LGALS3BP: variants seen among roughly 807,000 people sequenced by gnomAD.
LGALS3BP encodes the protein galectin 3 binding protein.
In LGALS3BP, 25 loss-of-function variants were observed where a neutral mutation model predicts 22.9. The ratio of observed to expected loss-of-function variants is 1.09; its 90% CI spans 0.80 to 1.53. LGALS3BP has a LOEUF of 1.53. LGALS3BP is among the 40% of genes most tolerant of loss of function. The pLI is 0.00. For missense variants in LGALS3BP, 718 were observed against 752.0 expected (o/e 0.95, Z 0.53); for synonymous variants, 335 against 331.1 (o/e 1.01, Z -0.13).
intron 3 of LGALS3BP, 31 bp downstream of exon 3, chr17:78,975,934 A>G (rs773070614): frequency 1.8e-5 from 28 of 1,551,094 alleles, no homozygotes; most frequent in Non-Finnish European, 9.6e-6. Context: ...TGTGGGTCTC[A>G]GCCTCAGTGG....
Position 78,977,220 on chromosome 17 carries a change from G to C in LGALS3BP, c.-23-6C>G. On this transcript the variant is annotated splice_polypyrimidine_tract_variant and splice_region_variant and intron_variant, in intron 1 of 5. Coordinates refer to ENST00000262776, the MANE Select transcript of LGALS3BP (RefSeq NM_005567.4). Reference sequence around the variant, plus strand: ...CGTGCCTGGATGCCCAGATCCTGCAGCAGACAGAAGCGGAGGGGTGAGGCA... The same window carrying C: ...CGTGCCTGGATGCCCAGATCCTGCACCAGACAGAAGCGGAGGGGTGAGGCA... The C allele has an allele frequency of 6.2e-7, 1 of 1,609,918 alleles. No individual in the cohort carries two copies. The highest frequency in any genetic ancestry group is 8.5e-7 in the Non-Finnish European group (1 of 1,179,080).
Position 78,971,453 on chromosome 17 carries a change from T to C in LGALS3BP, c.*123A>G, listed in dbSNP as rs2070668847. On this transcript the variant is annotated 3_prime_UTR_variant, in exon 6 of 6. Coordinates refer to ENST00000262776, the MANE Select transcript of LGALS3BP (RefSeq NM_005567.4). This position sits in a 1 kb window ranked among gnomAD's most constrained non-coding sequence, Gnocchi z 5.6. ...TCTTGAAGCTGAGCGCTCAGGTGAG[T>C]AGGGCGACATCTGGTGGCCGGTTGT... 5 of 863,004 alleles carry C rather than the reference T, an allele frequency of 5.8e-6. No individual in the cohort carries two copies. Among genetic ancestry groups the C allele is most frequent in the Non-Finnish European group, 8.7e-6 (5 of 572,992 alleles). 53.5% of individuals were successfully genotyped at this position (863,004 alleles called of 1,614,324 possible). A position where few individuals can be genotyped will look rare whatever the true frequency, so the allele number is the denominator to read the frequency against.
intron 4 of LGALS3BP, among the ~76,000 whole-genome samples, chr17:78,974,303 C>G (rs1398110471): frequency 2.0e-5 from 3 of 152,228 alleles, no homozygotes; most frequent in Non-Finnish European, 2.9e-5. Context: ...TGCGAGTAGC[C>G]GGGACTCCCT....
intron 3 of LGALS3BP, among the ~76,000 whole-genome samples, chr17:78,975,227 C>T (rs920667846): frequency 2.0e-5 from 3 of 152,016 alleles, no homozygotes; most frequent in African/African-American, 7.3e-5. Context: ...GGTTCACATA[C>T]TGTAATTGTG....
Position 78,972,099 on chromosome 17 carries a change from G to A in LGALS3BP, c.1235C>T (p.Pro412Leu), listed in dbSNP as rs1383798388. The A allele has an allele frequency of 1.2e-6, 2 of 1,613,292 alleles. No individual in the cohort carries two copies. Among genetic ancestry groups the A allele is most frequent in the Non-Finnish European group, 1.7e-6 (2 of 1,179,352 alleles). Residue 412 changes from proline (P) to leucine (L), a missense_variant, in exon 6 of 6, where the codon CCC (proline) becomes CTC (leucine). Coordinates refer to ENST00000262776, the MANE Select transcript of LGALS3BP (RefSeq NM_005567.4). This position sits in a 1 kb window ranked among gnomAD's most constrained non-coding sequence, Gnocchi z 5.1. ...GTCTGTCACAAAGGCACTCCAGGTG[G>A]GCGAGGTGTAAATCCGGGGCTTGTA... ...DTYKPRIYTS[P>L]TWSAFVTDSS... is the part of the protein sequence containing the mutation.
intron 1 of LGALS3BP, chr17:78,977,420 T>G: frequency 1.8e-6 from 1 of 553,566 alleles, no homozygotes. Flanking sequence ...TGCAGTGTGG[T>G]CCTGGAAGGA....
In LGALS3BP at chr17:78,971,594, G is replaced by A; in HGVS notation, c.1740C>T (p.Asn580=). ...RTVIRPFYLT[N]SSGVD ...ACGCCGTCTAGTCCACACCTGAGGA[G>A]TTGGTCAGGTAGAAGGGGCGGATGA... Residue 580 remains asparagine (N), a synonymous_variant, in exon 6 of 6, where the codon AAC becomes AAT. Coordinates refer to ENST00000262776, the MANE Select transcript of LGALS3BP (RefSeq NM_005567.4). This position sits in a 1 kb window ranked among gnomAD's most constrained non-coding sequence, Gnocchi z 5.6. 6.2e-7 allele frequency: 1 copy of A among 1,613,440 alleles called. No individual in the cohort carries two copies. The highest frequency in any genetic ancestry group is 8.5e-7 in the Non-Finnish European group (1 of 1,179,934).
chr17:78,974,673 T>C lies in LGALS3BP; in HGVS notation c.376+15A>G. 1 of 1,609,528 alleles carries C rather than the reference T, an allele frequency of 6.2e-7. No individual in the cohort carries two copies. The highest frequency in any genetic ancestry group is 1.7e-5 in the Admixed American group (1 of 59,864). On this transcript the variant is annotated intron_variant, in intron 4 of 5. Transcript: ENST00000262776. ...GCACACTGGGGCCTCCGCAGGGAGGTGCGCCCCCGCTCACCATTGGTGCAG... is the reference window on the plus strand; with the variant it reads ...GCACACTGGGGCCTCCGCAGGGAGGCGCGCCCCCGCTCACCATTGGTGCAG...
chr17:78,978,510 G>T (rs1248034824), intron 1 of LGALS3BP, among the ~76,000 whole-genome samples: 2 of 152,244 alleles, frequency 1.3e-5, no homozygotes, highest in East Asian at 1.9e-4. Context: ...CACAGGCAGG[G>T]GGTCTGCTCG....
chr17:78,975,999 G>A lies in LGALS3BP; in HGVS notation c.210C>T (p.Ala70=). The A allele has an allele frequency of 6.2e-7, 1 of 1,612,046 alleles. No homozygotes were observed. The highest frequency in any genetic ancestry group is 8.5e-7 in the Non-Finnish European group (1 of 1,179,526). ...VVCRALGFEN[A]TQALGRAAFG... ...AGGCAGCTCTGCCCAGAGCCTGGGT[G>A]GCGTTCTCGAAGCCCAGGGCCCGGC... is the stretch of plus-strand genomic sequence containing the variant. The change falls in exon 3 of 6, where the codon GCC becomes GCT. Residue 70 remains alanine, a synonymous_variant. Transcript: ENST00000262776.
intron 3 of LGALS3BP, among the ~76,000 whole-genome samples, chr17:78,975,185 A>G (rs1393975953): frequency 6.6e-6 from 1 of 150,690 alleles, no homozygotes; most frequent in Non-Finnish European, 1.5e-5. Context: ...AGGTTCACAT[A>G]TTGTAATTGT....
At chr17:78,977,270 C>A in intron 1 of LGALS3BP, 56 bp from the exon 2 acceptor site, 1 of 1,449,082 alleles carries the variant, frequency 6.9e-7, no homozygotes. Flanking sequence ...CCCGAGGCCC[C>A]AGGGACTGGC....
chr17:78,972,093 C>T lies in LGALS3BP; in HGVS notation c.1241G>A (p.Trp414Ter), dbSNP rs374351242. The T allele has an allele frequency of 6.2e-7, 1 of 1,613,356 alleles. No homozygotes were observed. The highest frequency in any genetic ancestry group is 8.5e-7 in the Non-Finnish European group (1 of 1,179,498). ...GGAACTGTCTGTCACAAAGGCACTC[C>T]AGGTGGGCGAGGTGTAAATCCGGGG... is the stretch of plus-strand genomic sequence containing the variant. ...YKPRIYTSPT[W>*]SAFVTDSSWS... The change falls in exon 6 of 6, where the codon TGG becomes TAG. Residue 414 changes from tryptophan (W) to a stop codon, truncating the protein, a stop_gained. Transcript: ENST00000262776. LOFTEE classifies it low-confidence loss of function (END_TRUNC). This position sits in a 1 kb window ranked among gnomAD's most constrained non-coding sequence, Gnocchi z 5.1.
In LGALS3BP at chr17:78,976,213, C is replaced by G. The variant is rs1011315099; in HGVS notation, c.53-57G>C. The stretch of plus-strand genomic sequence containing the variant: ...GGGCCTGCAGCACCCACCGCCCACA[C>G]CTCCAGGCCCCATATGCTGTCCTGG... On this transcript the variant is annotated intron_variant, in intron 2 of 5. Transcript: ENST00000262776. The surrounding 1 kb of genome is among the most constrained non-coding windows in gnomAD (Gnocchi z 4.6). The G allele has an allele frequency of 7.0e-7, 1 of 1,431,430 alleles. No individual in the cohort carries two copies. Among genetic ancestry groups the G allele is most frequent in the Non-Finnish European group, 9.4e-7 (1 of 1,066,636 alleles). 88.7% of individuals were successfully genotyped at this position (1,431,430 alleles called of 1,614,324 possible). A position where few individuals can be genotyped will look rare whatever the true frequency, so the allele number is the denominator to read the frequency against.
Position 78,971,890 on chromosome 17 carries a change from A to T in LGALS3BP, c.1444T>A (p.Tyr482Asn). The change falls in exon 6 of 6, where the codon TAC (tyrosine) becomes AAC (asparagine). Residue 482 changes from tyrosine to asparagine, a missense_variant. Physicochemically the swap from Tyr to Asn is moderately radical, Grantham distance 143 (BLOSUM62 -2). Coordinates refer to ENST00000262776, the MANE Select transcript of LGALS3BP (RefSeq NM_005567.4). The surrounding 1 kb of genome is among the most constrained non-coding windows in gnomAD (Gnocchi z 5.6). Reference protein sequence around the residue: ...QDKRVSWSLVYLPTIQSCWNY... With the variant: ...QDKRVSWSLVNLPTIQSCWNY... ...CAGCAGCTCTGGATGGTGGGGAGGT[A>T]GACCAGGGACCAGGACACCCTCTTG... is the stretch of plus-strand genomic sequence containing the variant. The T allele has an allele frequency of 6.2e-7, 1 of 1,614,164 alleles. No homozygotes were observed. Among genetic ancestry groups the T allele is most frequent in the Non-Finnish European group, 8.5e-7 (1 of 1,180,016 alleles).
intron 3 of LGALS3BP, chr17:78,975,147 G>A: frequency 3.1e-6 from 1 of 326,916 alleles, no homozygotes; most frequent in Non-Finnish European, 5.8e-6. Flanking sequence ...TTCACATACT[G>A]TAATTGTGTG....
chr17:78,971,736 T>C lies in LGALS3BP; in HGVS notation c.1598A>G (p.Asp533Gly). 1 of 1,614,044 alleles carries C rather than the reference T, an allele frequency of 6.2e-7. No homozygotes were observed. The highest frequency in any genetic ancestry group is 8.5e-7 in the Non-Finnish European group (1 of 1,180,018). ...CTTCCAGCCCTCGAAATCGGTGACG[T>C]CTGCCACGAAGAGCCCTTCGCAGAG... ...LMLCEGLFVA[D>G]VTDFEGWKAA... is the part of the protein sequence containing the mutation. The change falls in exon 6 of 6, where the codon GAC (aspartate) becomes GGC (glycine). Residue 533 changes from aspartate to glycine, a missense_variant. Asp to Gly is a moderately conservative substitution (Grantham distance 94). Transcript: ENST00000262776. This position sits in a 1 kb window ranked among gnomAD's most constrained non-coding sequence, Gnocchi z 5.6.
At position 78,976,277 on chromosome 17, in the gene LGALS3BP, C is replaced by T; in HGVS notation, c.53-121G>A. Reference sequence around the variant, plus strand: ...AGCTTGTATTTCAGGGCTTCAAGGTCCCCTGGCCTCTCCATGAGGGGCACC... The same window carrying T: ...AGCTTGTATTTCAGGGCTTCAAGGTTCCCTGGCCTCTCCATGAGGGGCACC... On this transcript the variant is annotated intron_variant, in intron 2 of 5. Transcript: ENST00000262776. This position sits in a 1 kb window ranked among gnomAD's most constrained non-coding sequence, Gnocchi z 4.6. 1 of 849,344 alleles carries T rather than the reference C, an allele frequency of 1.2e-6. No individual in the cohort carries two copies. Among genetic ancestry groups the T allele is most frequent in the Non-Finnish European group, 1.8e-6 (1 of 570,718 alleles). 52.6% of individuals were successfully genotyped at this position (849,344 alleles called of 1,614,324 possible).
rs775359999 is a variant in LGALS3BP at position 78,971,836 on chromosome 17, C to G, written c.1498G>C (p.Glu500Gln). 5 of 1,614,024 alleles carry G rather than the reference C, an allele frequency of 3.1e-6. No homozygotes were observed. The East Asian group carries it at 8.9e-5, about 29-fold the overall frequency. Residue 500 changes from glutamate (E) to glutamine (Q), a missense_variant, in exon 6 of 6, where the codon GAG (glutamate) becomes CAG (glutamine). Glu to Gln is a conservative substitution (Grantham distance 29). Coordinates refer to ENST00000262776, the MANE Select transcript of LGALS3BP (RefSeq NM_005567.4). This position sits in a 1 kb window ranked among gnomAD's most constrained non-coding sequence, Gnocchi z 5.6. ...WNYGFSCSSD[E>Q]LPVLGLTKSG... ...TTGGTGAGGCCCAGGACAGGGAGCT[C>G]GTCCGAGGAGCAGGAGAAGCCGTAG...
Sources: allele counts gnomAD v4.1 joint callset (sites outside exome capture counted in the v4.1 genomes callset), GRCh38; gene constraint gnomAD v4.1.1; non-coding constraint Gnocchi (gnomAD v3.1); transcripts MANE v1.5; gene names NCBI Gene and HGNC (gene_info 2026-07-23, HGNC 2026-07-21).